GDA: variants seen among roughly 807,000 people sequenced by gnomAD.
GDA encodes cytoplasmic PSD-95 interactor.
Under a neutral mutation model 59.6 loss-of-function variants are expected in GDA, and 18 were observed. That is an observed-to-expected ratio of 0.30 (90% confidence interval 0.21 to 0.45). The LOEUF (loss-of-function observed/expected upper bound fraction) is 0.45. Ranked by LOEUF, GDA falls within the 20% of genes least tolerant of loss-of-function variation. The probability of loss-of-function intolerance (pLI) is 1.00; values close to 1 mark genes in which losing one functional copy is unlikely to be tolerated. For synonymous variants in GDA, 201 were observed against 201.1 expected (o/e 1.00, Z 0.00); for missense variants, 427 against 552.3 (o/e 0.77, Z 2.27).
chr9:72,117,705 T>G lies in GDA; in HGVS notation c.-100+2872T>G, dbSNP rs555083680. 3.3e-5 allele frequency among the ~76,000 whole-genome samples: 5 copies of G among 152,314 alleles called. No individual in the cohort carries two copies. The East Asian group carries it at 9.7e-4, about 29-fold the overall frequency. On this transcript the variant is annotated intron_variant, in intron 1 of 13. Coordinates refer to the GDA transcript ENST00000545168. ...TCACTGGTTAAAATGTGTCACATGTTGAGAACCAGCCCAATCACTGTGGCA... is the reference window on the plus strand; with the variant it reads ...TCACTGGTTAAAATGTGTCACATGTGGAGAACCAGCCCAATCACTGTGGCA...
intron 1 of GDA, among the ~76,000 whole-genome samples, chr9:72,139,288 A>G (rs1307203166): frequency 6.7e-6 from 1 of 149,590 alleles, no homozygotes; most frequent in Non-Finnish European, 1.5e-5. Context: ...TAATGATAAA[A>G]TTGACATTGT....
chr9:72,212,481 T>TAAA (rs898941614), intron 4 of GDA, among the ~76,000 whole-genome samples: 1 of 143,454 alleles, frequency 7.0e-6, no homozygotes, highest in Non-Finnish European at 1.5e-5. Flanking sequence ...GACGCCACCT[T>TAAA]AAAAAAAAAA....
At chr9:72,231,905 T>G (rs1444784094) in intron 10 of GDA, among the ~76,000 whole-genome samples, 1 of 152,260 alleles carries the variant, frequency 6.6e-6, no homozygotes, top group Non-Finnish European at 1.5e-5. Context: ...GTTTTGCTTT[T>G]AAGCAACGTT....
In GDA at chr9:72,250,432, A is replaced by C; in HGVS notation, c.*2090A>C. ...ATACAACCATCCTGTTAAACATTTA[A>C]ATTTAGCTCTGATAGTGTGTTAAGA... On this transcript the variant is annotated 3_prime_UTR_variant, in exon 14 of 14. Transcript: ENST00000358399. The C allele has an allele frequency of 8.2e-7, 1 of 1,221,550 alleles. No individual in the cohort carries two copies. Among genetic ancestry groups the C allele is most frequent in the South Asian group, 1.9e-5 (1 of 51,798 alleles). 75.7% of individuals were successfully genotyped at this position (1,221,550 alleles called of 1,614,324 possible).
chr9:72,149,468 GGCAGCCGCCC>G lies in GDA; in HGVS notation c.-86_-77del. 2.0e-6 allele frequency: 3 copies of G among 1,472,288 alleles called. No homozygotes were observed. The highest frequency in any genetic ancestry group is 2.7e-6 in the Non-Finnish European group (3 of 1,091,852). The allele number at this position is 1,472,288 out of a possible 1,614,324, so 91.2% of individuals were successfully genotyped here. On this transcript the variant is annotated 5_prime_UTR_variant, in exon 1 of 14. Transcript: ENST00000358399. Reference sequence around the variant, plus strand: ...ACAAGGCCGGAGCCTGTGTCCGCCCGGCAGCCGCCCGCAGCTGCAGAGAGTCCCGCTGCGT... The same window carrying G: ...ACAAGGCCGGAGCCTGTGTCCGCCCGGCAGCTGCAGAGAGTCCCGCTGCGT...
intron 8 of GDA, among the ~76,000 whole-genome samples, chr9:72,227,461 G>A (rs932680761): frequency 1.3e-5 from 2 of 150,466 alleles, no homozygotes; most frequent in East Asian, 3.9e-4. Flanking sequence ...AAAGAACAGC[G>A]CTTTGCAGGA....
intron 1 of GDA, among the ~76,000 whole-genome samples, chr9:72,174,852 G>A (rs1277558080): frequency 1.3e-5 from 2 of 152,052 alleles, no homozygotes; most frequent in East Asian, 1.9e-4. Context: ...TCCTAAGGAA[G>A]GGACAGCTAA....
downstream of GDA, among the ~76,000 whole-genome samples, chr9:72,259,093 C>A (rs1031794938): frequency 6.7e-6 from 1 of 150,286 alleles, no homozygotes; most frequent in South Asian, 2.1e-4. Flanking sequence ...GGTACGATCT[C>A]GGCTCACTGC....
chr9:72,133,770 G>A (rs1156284217), intron 1 of GDA, among the ~76,000 whole-genome samples: 3 of 152,186 alleles, frequency 2.0e-5, no homozygotes, highest in Non-Finnish European at 4.4e-5. Context: ...ATAGAATACT[G>A]CTGTGACCCT....
At chr9:72,171,874 GCTCATTTAACA>G (rs1277361822) in intron 1 of GDA, among the ~76,000 whole-genome samples, 1 of 152,088 alleles carries the variant, frequency 6.6e-6, no homozygotes, top group Non-Finnish European at 1.5e-5. Flanking sequence ...ACTTGTGTTA[GCTCATTTAACA>G]CTCACAACAA....
chr9:72,256,803 A>G (rs1840891882), downstream of GDA, among the ~76,000 whole-genome samples: 1 of 152,150 alleles, frequency 6.6e-6, no homozygotes, highest in African/African-American at 2.4e-5. Context: ...ATTACCAACA[A>G]ATACCTTGGT....
At chr9:72,196,349 C>T (rs975232150) in intron 2 of GDA, among the ~76,000 whole-genome samples, 17 of 151,496 alleles carry the variant, frequency 1.1e-4, no homozygotes, top group Admixed American at 1.1e-3. Context: ...GGCATGGTGG[C>T]GCATATGATG....
At chr9:72,124,237 A>G (rs922308329) in intron 1 of GDA, among the ~76,000 whole-genome samples, 1 of 152,262 alleles carries the variant, frequency 6.6e-6, no homozygotes, top group African/African-American at 2.4e-5. Flanking sequence ...TACAAGAGCT[A>G]TTAACAGCAG....
upstream of GDA, among the ~76,000 whole-genome samples, chr9:72,146,086 A>G (rs1406511648): frequency 6.8e-6 from 1 of 147,630 alleles, no homozygotes; most frequent in Non-Finnish European, 1.5e-5. Context: ...GGGGAGGAAC[A>G]CTTAACACTC....
chr9:72,153,954 A>G (rs1827575864), intron 1 of GDA, among the ~76,000 whole-genome samples: 2 of 144,534 alleles, frequency 1.4e-5, no homozygotes, highest in Admixed American at 1.4e-4. Flanking sequence ...CCTAAAACTT[A>G]AAGTATAATA....
intron 1 of GDA, among the ~76,000 whole-genome samples, chr9:72,168,914 G>A (rs1056068548): frequency 1.7e-4 from 26 of 152,144 alleles, no homozygotes; most frequent in African/African-American, 5.8e-4. Flanking sequence ...ACATTTAACA[G>A]CTCTCATATG....
chr9:72,147,949 C>G (rs7863016), upstream of GDA, among the ~76,000 whole-genome samples: 29,460 of 152,082 alleles, frequency 0.19, 3,347 homozygotes, highest in African/African-American at 0.32. Flanking sequence ...ATGGTTCTGA[C>G]GGTTTTCCTG....
intron 1 of GDA, among the ~76,000 whole-genome samples, chr9:72,155,282 A>T (rs1046388437): frequency 1.3e-5 from 2 of 152,186 alleles, no homozygotes; most frequent in Non-Finnish European, 2.9e-5. Flanking sequence ...AACCCATCAG[A>T]TCTCGTGAGA....
At chr9:72,174,461 T>C (rs899278278) in intron 1 of GDA, among the ~76,000 whole-genome samples, 1 of 152,194 alleles carries the variant, frequency 6.6e-6, no homozygotes, top group Non-Finnish European at 1.5e-5. Flanking sequence ...ATGGATGAGA[T>C]AACAGGTGCA....
Sources: allele counts gnomAD v4.1 joint callset (sites outside exome capture counted in the v4.1 genomes callset), GRCh38; gene constraint gnomAD v4.1.1; transcripts MANE v1.5; gene names NCBI Gene and HGNC (gene_info 2026-07-23, HGNC 2026-07-21).